Variants in ERC1 observed in about 807,000 individuals in gnomAD.
ERC1 encodes the protein RAB6 interacting protein 2.
Under a neutral mutation model 132.0 loss-of-function variants are expected in ERC1, and 56 were observed. That is an observed-to-expected ratio of 0.42 (90% CI 0.34 to 0.53). The LOEUF (loss-of-function observed/expected upper bound fraction) is 0.53, where lower values mean the gene tolerates loss of function less well. Ranked by LOEUF, ERC1 falls within the 20% of genes least tolerant of loss-of-function variation. The pLI is 0.03. For missense variants in ERC1, 1,202 were observed against 1,349.9 expected (o/e 0.89, Z 1.72); for synonymous variants, 478 against 476.1 (o/e 1.00, Z -0.05).
rs1297964479 is a variant in ERC1, at chr12:1,005,210, AG to A, written c.-157+13889del. Among the ~76,000 whole-genome samples, 5 of 151,990 alleles carry A rather than the reference AG, an allele frequency of 3.3e-5. No homozygotes were observed. The East Asian group carries it at 9.6e-4, about 29-fold the overall frequency. On this transcript the variant is annotated intron_variant, in intron 1 of 18. Coordinates refer to ENST00000360905, the MANE Select transcript of ERC1 (RefSeq NM_178040.4). ...TCTGTCACCCAGGCTGGAGTGCGGC[AG>A]TGCTATCATGGCTTACTACAGCCTC... is the stretch of plus-strand genomic sequence containing the variant.
chr12:1,084,670 A>AT (rs11378427), intron 3 of ERC1, among the ~76,000 whole-genome samples: 110,262 of 149,354 alleles, frequency 0.74, 40,798 homozygotes, highest in East Asian at 0.89. Flanking sequence ...GCTTCCAGTC[A>AT]TTTTTTTTTT....
Position 1,083,359 on chromosome 12 carries a change from G to C in ERC1, c.865G>C (p.Glu289Gln). The change falls in exon 3 of 19, where the codon GAG (glutamate) becomes CAG (glutamine). Residue 289 changes from glutamate to glutamine, a missense_variant. Physicochemically the swap from Glu to Gln is conservative, Grantham distance 29. Coordinates refer to ENST00000360905, the MANE Select transcript of ERC1 (RefSeq NM_178040.4). ...KELFLLRKTLEEMELRIETQK... is the reference protein window; with the variant it reads ...KELFLLRKTLQEMELRIETQK... ...GCTGTTTCTTCTTCGAAAGACATTG[G>C]AGGAAATGGAGCTGCGTATTGAGAC... 6.2e-7 allele frequency: 1 copy of C among 1,614,138 alleles called. No homozygotes were observed. Among genetic ancestry groups the C allele is most frequent in the East Asian group, 2.2e-5 (1 of 44,878 alleles).
chr12:1,000,887 T>A (rs999299557), intron 1 of ERC1, among the ~76,000 whole-genome samples: 9 of 152,192 alleles, frequency 5.9e-5, no homozygotes, highest in Admixed American at 3.9e-4. Context: ...GAAGCCATTA[T>A]TTGTGTATTT....
intron 8 of ERC1, among the ~76,000 whole-genome samples, chr12:1,168,174 G>A (rs1048898202): frequency 6.6e-6 from 1 of 152,116 alleles, no homozygotes; most frequent in African/African-American, 2.4e-5. Context: ...AGGCTGCCGT[G>A]TAGTGGTGCG....
At chr12:1,376,099 G>T (rs558677933) in intron 16 of ERC1, among the ~76,000 whole-genome samples, 1 of 152,214 alleles carries the variant, frequency 6.6e-6, no homozygotes, top group Admixed American at 6.5e-5. Context: ...GCAGTGTTCA[G>T]AATTACACAA....
chr12:1,014,646 A>G (rs1965228936), intron 1 of ERC1, among the ~76,000 whole-genome samples: 1 of 152,200 alleles, frequency 6.6e-6, no homozygotes, highest in Non-Finnish European at 1.5e-5. Flanking sequence ...TTGTACACAA[A>G]TGAGATTGCC....
intron 15 of ERC1, among the ~76,000 whole-genome samples, chr12:1,313,394 A>G (rs1479184312): frequency 6.6e-6 from 1 of 152,148 alleles, no homozygotes; most frequent in African/African-American, 2.4e-5. Flanking sequence ...CAAAATCCAG[A>G]TTCCGTTAGT....
intron 17 of ERC1, among the ~76,000 whole-genome samples, chr12:1,442,896 A>T (rs947145912): frequency 2.0e-5 from 3 of 152,040 alleles, no homozygotes; most frequent in Non-Finnish European, 4.4e-5. Flanking sequence ...GTTACAAATG[A>T]TTACTTCTTT....
chr12:1,030,679 C>T (rs1361458902), intron 2 of ERC1, among the ~76,000 whole-genome samples: 1 of 152,070 alleles, frequency 6.6e-6, no homozygotes, highest in Non-Finnish European at 1.5e-5. Context: ...CGAGATTGGG[C>T]CACTGTACTC....
intron 2 of ERC1, among the ~76,000 whole-genome samples, chr12:1,055,982 A>T (rs1972874689): frequency 6.6e-6 from 1 of 152,092 alleles, no homozygotes; most frequent in Non-Finnish European, 1.5e-5. Context: ...CCCTGTCTCT[A>T]AAAAATAAAA....
intron 15 of ERC1, among the ~76,000 whole-genome samples, chr12:1,329,677 A>G (rs1319191688): frequency 6.6e-6 from 1 of 152,184 alleles, no homozygotes; most frequent in Non-Finnish European, 1.5e-5. Context: ...GATCTTACCT[A>G]GCTGGGGAAG....
At chr12:1,444,995 A>G (rs374079880) in intron 18 of ERC1, 1 of 393,890 alleles carries the variant, frequency 2.5e-6, no homozygotes. Context: ...CTGATTTTTA[A>G]TTGATTTTTT....
At position 1,092,637 on chromosome 12, in the gene ERC1, A is replaced by T. The variant is rs539880836; in HGVS notation, c.1086+9057A>T. Reference sequence around the variant, plus strand: ...GATTAAACTCTGTTTAAATAAGTTTAAAAAAACTAACTCTTGCAATCAGTA... The same window carrying T: ...GATTAAACTCTGTTTAAATAAGTTTTAAAAAACTAACTCTTGCAATCAGTA... On this transcript the variant is annotated intron_variant, in intron 3 of 18. Transcript: ENST00000360905. 7.2e-5 allele frequency among the ~76,000 whole-genome samples: 11 copies of T among 152,338 alleles called. No homozygotes were observed. The South Asian group carries it at 1.7e-3, about 23-fold the overall frequency.
intron 2 of ERC1, among the ~76,000 whole-genome samples, chr12:1,075,099 AC>A (rs1191818184): frequency 6.6e-6 from 1 of 151,974 alleles, no homozygotes; most frequent in East Asian, 1.9e-4. Context: ...GGAGTAAATT[AC>A]CTTGGAGGCT....
At chr12:1,175,826 C>T (rs570018502) in intron 8 of ERC1, among the ~76,000 whole-genome samples, 70 of 152,300 alleles carry the variant, frequency 4.6e-4, no homozygotes, top group Admixed American at 2.0e-3. Flanking sequence ...TGAGCCACTG[C>T]GCCTGGCCCA....
At chr12:1,378,389 T>A (rs2088200150) in intron 16 of ERC1, among the ~76,000 whole-genome samples, 1 of 152,200 alleles carries the variant, frequency 6.6e-6, no homozygotes, top group South Asian at 2.1e-4. Flanking sequence ...TGTGAAGACG[T>A]ACTAATAATC....
chr12:1,137,996 ATT>A (rs1199945631), intron 7 of ERC1, among the ~76,000 whole-genome samples: 29 of 130,510 alleles, frequency 2.2e-4, no homozygotes, highest in African/African-American at 6.2e-4. Flanking sequence ...TATAATATAT[ATT>A]AATATATAAA....
intron 2 of ERC1, among the ~76,000 whole-genome samples, chr12:1,043,383 A>G (rs930861414): frequency 6.6e-6 from 1 of 152,082 alleles, no homozygotes; most frequent in Non-Finnish European, 1.5e-5. Context: ...GTAAAAGGTT[A>G]TTTACTTAAA....
At chr12:1,055,216 A>G (rs1037655141) in intron 2 of ERC1, among the ~76,000 whole-genome samples, 3 of 151,346 alleles carry the variant, frequency 2.0e-5, no homozygotes, top group African/African-American at 4.9e-5. Context: ...GTCTCACTCT[A>G]TCACCCAGGC....
Sources: allele counts gnomAD v4.1 joint callset (sites outside exome capture counted in the v4.1 genomes callset), GRCh38; gene constraint gnomAD v4.1.1; transcripts MANE v1.5; gene names NCBI Gene and HGNC (gene_info 2026-07-23, HGNC 2026-07-21).